The following KIFC1 variants were observed in gnomAD, a reference collection of about 807,000 sequenced individuals.
KIFC1 encodes the protein kinesin family member C1.
In KIFC1, 37 loss-of-function variants were observed where a neutral mutation model predicts 66.6. The observed-to-expected ratio is 0.56, with a 90% CI of 0.43 to 0.73. The LOEUF is 0.73. Ranked by LOEUF, KIFC1 falls within the 30% of genes least tolerant of loss-of-function variation. KIFC1 has a pLI of 0.00. For synonymous variants in KIFC1, 325 were observed against 343.5 expected (o/e 0.95, Z 0.60); for missense variants, 721 against 859.8 (o/e 0.84, Z 2.02).
Position 33,404,092 on chromosome 6 carries a change from A to T in KIFC1, c.719A>T (p.Glu240Val). 6.2e-7 allele frequency: 1 copy of T among 1,613,970 alleles called. No individual in the cohort carries two copies. The highest frequency in any genetic ancestry group is 8.5e-7 in the Non-Finnish European group (1 of 1,179,934). The change falls in exon 6 of 11, where the codon GAA (glutamate) becomes GTA (valine). Residue 240 changes from glutamate (E) to valine (V), a missense_variant. Glu to Val is a moderately radical substitution (Grantham distance 121). Transcript: ENST00000428849. The surrounding 1 kb of genome is among the most constrained non-coding windows in gnomAD (Gnocchi z 4.0). Reference protein sequence around the residue: ...LQKKQVELQEERRGLMSQLEE... With the variant: ...LQKKQVELQEVRRGLMSQLEE... Reference sequence around the variant, plus strand: ...AAAAAACAGGTGGAATTGCAGGAAGAACGGAGGGGACTGATGTCCCAACTA... The same window carrying T: ...AAAAAACAGGTGGAATTGCAGGAAGTACGGAGGGGACTGATGTCCCAACTA...
chr6:33,398,871 T>TC (rs1775228602), intron 3 of KIFC1, among the ~76,000 whole-genome samples: 1 of 152,220 alleles, frequency 6.6e-6, no homozygotes, highest in Non-Finnish European at 1.5e-5. Flanking sequence ...GCCACCCAAT[T>TC]CTGCTACCCA....
intron 1 of KIFC1, among the ~76,000 whole-genome samples, chr6:33,394,004 C>T (rs1043592282): frequency 6.6e-6 from 1 of 152,120 alleles, no homozygotes; most frequent in Non-Finnish European, 1.5e-5. Context: ...CCTCGGCCTC[C>T]CAAAGTGCTC....
Position 33,406,149 on chromosome 6 carries a change from G to C in KIFC1, c.1537-47G>C. The C allele has an allele frequency of 1.3e-6, 2 of 1,539,232 alleles. No individual in the cohort carries two copies. On this transcript the variant is annotated intron_variant, in intron 7 of 10. Coordinates refer to ENST00000428849, the MANE Select transcript of KIFC1 (RefSeq NM_002263.4). This position sits in a 1 kb window ranked among gnomAD's most constrained non-coding sequence, Gnocchi z 4.5. Reference sequence around the variant, plus strand: ...TATTCATTTCCATACATATTACTATGTACTGACTTCTGCCTGCCTTTTTGC... The same window carrying C: ...TATTCATTTCCATACATATTACTATCTACTGACTTCTGCCTGCCTTTTTGC...
chr6:33,399,377 CA>C (rs879678064), intron 3 of KIFC1, among the ~76,000 whole-genome samples: 23 of 133,696 alleles, frequency 1.7e-4, no homozygotes, highest in Non-Finnish European at 1.9e-4. Flanking sequence ...GACTCGGTCT[CA>C]AAAAAAAAAA....
chr6:33,391,896 C>T lies in KIFC1; in HGVS notation c.-90C>T. 6.6e-7 allele frequency: 1 copy of T among 1,520,536 alleles called. No homozygotes were observed. The highest frequency in any genetic ancestry group is 9.1e-7 in the Non-Finnish European group (1 of 1,099,396). 94.2% of individuals were successfully genotyped at this position (1,520,536 alleles called of 1,614,324 possible). On this transcript the variant is annotated 5_prime_UTR_variant, in exon 1 of 11. Transcript: ENST00000428849. Reference sequence around the variant, plus strand: ...CGTGCGAGTTCTCTACCCTGCTTCGCGAGCGGGCGAGAGAACGCGAGTCCC... The same window carrying T: ...CGTGCGAGTTCTCTACCCTGCTTCGTGAGCGGGCGAGAGAACGCGAGTCCC...
At chr6:33,398,446 C>G in intron 3 of KIFC1, 59 bp downstream of exon 3, 3 of 1,208,094 alleles carry the variant, frequency 2.5e-6, no homozygotes, top group Non-Finnish European at 3.7e-6. Flanking sequence ...CTTCAACTCA[C>G]TTGTTTCTTT....
chr6:33,405,724 T>C lies in KIFC1; in HGVS notation c.1536+93T>C, dbSNP rs1775614270. 5.5e-6 allele frequency: 7 copies of C among 1,284,104 alleles called. No homozygotes were observed. In the South Asian group the frequency reaches 7.3e-5, roughly 13 times the overall value. The allele number at this position is 1,284,104 out of a possible 1,614,324, so 79.5% of individuals were successfully genotyped here. On this transcript the variant is annotated intron_variant, in intron 7 of 10. Coordinates refer to ENST00000428849, the MANE Select transcript of KIFC1 (RefSeq NM_002263.4). The surrounding 1 kb of genome is among the most constrained non-coding windows in gnomAD (Gnocchi z 5.4). ...AGAGGGAGAAAGGAGCAAGAGAGAA[T>C]TGAAGGATGAAGTGCAAGTTATCAG...
At chr6:33,408,440 G>A (rs1277043803) in intron 10 of KIFC1, among the ~76,000 whole-genome samples, 5 of 152,162 alleles carry the variant, frequency 3.3e-5, no homozygotes, top group Admixed American at 6.5e-5. Flanking sequence ...TTCACCTAGT[G>A]ATTTTATCCA....
rs750559411 is a variant in KIFC1 at position 33,405,127 on chromosome 6, T to C, written c.1032T>C (p.Pro344=). ...FPSGPGGPSD[P]PTRLSLSRSD... is the part of the protein sequence containing the mutation. ...CTGGCCCTGGTGGGCCCTCTGATCC[T>C]CCAACCCGCCTTAGCCTCTCCCGGT... The change falls in exon 7 of 11, where the codon CCT becomes CCC. Residue 344 remains proline, a synonymous_variant. Coordinates refer to ENST00000428849, the MANE Select transcript of KIFC1 (RefSeq NM_002263.4). This position sits in a 1 kb window ranked among gnomAD's most constrained non-coding sequence, Gnocchi z 5.4. 6.2e-7 allele frequency: 1 copy of C among 1,614,122 alleles called. No individual in the cohort carries two copies. The highest frequency in any genetic ancestry group is 2.2e-5 in the East Asian group (1 of 44,872).
chr6:33,409,559 C>CCTAG, intron 10 of KIFC1, 87 bp from the exon 11 acceptor site: 1 of 1,304,140 alleles, frequency 7.7e-7, no homozygotes, highest in East Asian at 2.3e-5. Context: ...TGAGGGCAGC[C>CCTAG]CTAGCATTGG....
rs1386097417 is a variant in KIFC1 at position 33,400,530 on chromosome 6, C to A, written c.250+2143C>A. On this transcript the variant is annotated intron_variant, in intron 3 of 10. Transcript: ENST00000428849. This position sits in a 1 kb window ranked among gnomAD's most constrained non-coding sequence, Gnocchi z 4.3. ...TGCACCTCAGGTATACGACCTTGAT[C>A]TCGTTGGGGTCGAACTTCGGTGGCA... 1.9e-6 allele frequency: 3 copies of A among 1,551,916 alleles called. No homozygotes were observed. The highest frequency in any genetic ancestry group is 2.3e-5 in the East Asian group (1 of 44,286).
chr6:33,407,872 G>A (rs1483910826), intron 10 of KIFC1, among the ~76,000 whole-genome samples: 1 of 152,136 alleles, frequency 6.6e-6, no homozygotes, highest in Non-Finnish European at 1.5e-5. Context: ...CTCCTCCTGC[G>A]CGTATAGCCC....
In KIFC1 at chr6:33,395,423, A is replaced by C. The variant is rs527701330; in HGVS notation, c.13-2606A>C. On this transcript the variant is annotated intron_variant, in intron 1 of 10. Transcript: ENST00000428849. ...TTGGCGAGTCCAGGATTTGGTGAGG[A>C]GGGATGGGAATGTGATGCATATATG... Among the ~76,000 whole-genome samples the C allele has an allele frequency of 5.3e-5, 8 of 152,164 alleles. No individual in the cohort carries two copies. The South Asian group carries it at 1.5e-3, about 28-fold the overall frequency.
Position 33,400,172 on chromosome 6 carries a change from T to C in KIFC1, c.250+1785T>C. ...TGGGCAGTCCCCGGAATCTCTTTAA[T>C]GGTTCCAGAGAGTTCTCTGGCTAAG... On this transcript the variant is annotated intron_variant, in intron 3 of 10. Coordinates refer to ENST00000428849, the MANE Select transcript of KIFC1 (RefSeq NM_002263.4). The surrounding 1 kb of genome is among the most constrained non-coding windows in gnomAD (Gnocchi z 4.3). 4.1e-6 allele frequency: 6 copies of C among 1,457,676 alleles called. No individual in the cohort carries two copies. The highest frequency in any genetic ancestry group is 5.7e-6 in the Non-Finnish European group (6 of 1,053,196). 90.3% of individuals were successfully genotyped at this position (1,457,676 alleles called of 1,614,324 possible).
At chr6:33,408,911 G>T (rs1581926809) in intron 10 of KIFC1, among the ~76,000 whole-genome samples, 1 of 152,146 alleles carries the variant, frequency 6.6e-6, no homozygotes, top group East Asian at 1.9e-4. Flanking sequence ...GGTGGCTCAT[G>T]CCTGTAACCC....
chr6:33,406,232 G>C lies in KIFC1; in HGVS notation c.1573G>C (p.Ala525Pro). The change falls in exon 8 of 11, where the codon GCT becomes CCT. Residue 525 changes from alanine to proline, a missense_variant. Ala to Pro is a conservative substitution (Grantham distance 27, BLOSUM62 -1). Transcript: ENST00000428849. The surrounding 1 kb of genome is among the most constrained non-coding windows in gnomAD (Gnocchi z 4.5). ...ALLHLARQNR[A>P]VARTAQNERS... is the part of the protein sequence containing the mutation. ...GCTTCATCTGGCCCGCCAGAATCGG[G>C]CTGTGGCCCGCACAGCCCAGAATGA... 6.2e-7 allele frequency: 1 copy of C among 1,611,868 alleles called. No homozygotes were observed. The highest frequency in any genetic ancestry group is 1.7e-5 in the Admixed American group (1 of 59,798).
In KIFC1 at chr6:33,400,549, G is replaced by A; in HGVS notation, c.250+2162G>A. ...CTTGATCTCGTTGGGGTCGAACTTC[G>A]GTGGCATGGTGGAGGCAGCTGGTGT... On this transcript the variant is annotated intron_variant, in intron 3 of 10. Coordinates refer to ENST00000428849, the MANE Select transcript of KIFC1 (RefSeq NM_002263.4). The surrounding 1 kb of genome is among the most constrained non-coding windows in gnomAD (Gnocchi z 4.3). 6.9e-6 allele frequency: 10 copies of A among 1,439,908 alleles called. No homozygotes were observed. Among genetic ancestry groups the A allele is most frequent in the African/African-American group, 1.4e-5 (1 of 71,480 alleles). 89.2% of individuals were successfully genotyped at this position (1,439,908 alleles called of 1,614,324 possible).
chr6:33,405,598 T>C lies in KIFC1; in HGVS notation c.1503T>C (p.Asn501=), dbSNP rs1354559801. 6.5e-7 allele frequency: 1 copy of C among 1,541,162 alleles called. No individual in the cohort carries two copies. The highest frequency in any genetic ancestry group is 1.4e-5 in the African/African-American group (1 of 72,806). Residue 501 remains asparagine (N), a synonymous_variant, in exon 7 of 11, where the codon AAT becomes AAC. Transcript: ENST00000428849. This position sits in a 1 kb window ranked among gnomAD's most constrained non-coding sequence, Gnocchi z 5.4. ...GPGSEELTVT[N]ARYVPVSCEK... ...GGAGTGAGGAGCTCACTGTCACCAA[T>C]GCTCGATATGTCCCTGTCTCCTGTG...
rs1452108800 is a variant in KIFC1 at position 33,404,371 on chromosome 6, C to T, written c.756+242C>T. On this transcript the variant is annotated intron_variant, in intron 6 of 10. Transcript: ENST00000428849. The surrounding 1 kb of genome is among the most constrained non-coding windows in gnomAD (Gnocchi z 4.0). Reference sequence around the variant, plus strand: ...CTGTTTGCAAAGCTCTCATTTAGATCTGTGTCTTTCTTAGTCCTCCATCCC... The same window carrying T: ...CTGTTTGCAAAGCTCTCATTTAGATTTGTGTCTTTCTTAGTCCTCCATCCC... 1.3e-5 allele frequency among the ~76,000 whole-genome samples: 2 copies of T among 152,208 alleles called. No homozygotes were observed.
Sources: gnomAD v4.1 joint callset for allele counts (sites outside exome capture counted in the v4.1 genomes callset) on GRCh38, gnomAD v4.1.1 for gene constraint, Gnocchi (gnomAD v3.1) non-coding constraint, MANE v1.5 for transcripts, NCBI Gene and HGNC (gene_info 2026-07-23, HGNC 2026-07-21) for gene names.